The following PTPN1 variants were observed in gnomAD, a reference collection of about 807,000 sequenced individuals.
PTPN1 encodes tyrosine-protein phosphatase non-receptor type 1.
PTPN1 carries 12 observed loss-of-function variants against 59.9 expected under a neutral mutation model. The observed-to-expected ratio is 0.20, with a 90% CI of 0.13 to 0.32. PTPN1 has a LOEUF of 0.32. Ranked by LOEUF, PTPN1 falls within the 10% of genes least tolerant of loss-of-function variation. The probability of loss-of-function intolerance (pLI) is 1.00; values close to 1 mark genes in which losing one functional copy is unlikely to be tolerated. For synonymous variants in PTPN1, 178 were observed against 203.6 expected (o/e 0.87, Z 1.07); for missense variants, 356 against 549.2 (o/e 0.65, Z 3.52).
intron 1 of PTPN1, among the ~76,000 whole-genome samples, chr20:50,556,354 A>AT (rs920355116): frequency 2.0e-5 from 3 of 151,842 alleles, no homozygotes; most frequent in Non-Finnish European, 2.9e-5. Context: ...ACACCCGGCT[A>AT]TTTTTTTAAA....
intron 4 of PTPN1, chr20:50,573,641 A>G (rs1167648641): frequency 1.3e-5 from 2 of 152,264 alleles, no homozygotes; most frequent in Admixed American, 1.3e-4. Context: ...GCTGAAAATC[A>G]TAAGGGCTTT....
At chr20:50,526,716 T>C (rs2082577158) in intron 1 of PTPN1, among the ~76,000 whole-genome samples, 1 of 152,094 alleles carries the variant, frequency 6.6e-6, no homozygotes, top group African/African-American at 2.4e-5. Flanking sequence ...TTTCCAGCTG[T>C]TTCTCTCCTC....
Position 50,527,608 on chromosome 20 carries a change from G to A in PTPN1, c.63+17018G>A, listed in dbSNP as rs578192902. ...CAGGCTAGCCTCAAGTGATCCACCC[G>A]TCAGCCTCCCAAAGTGCTGAGATTA... On this transcript the variant is annotated intron_variant, in intron 1 of 9. Coordinates refer to ENST00000371621, the MANE Select transcript of PTPN1 (RefSeq NM_002827.4). Among the ~76,000 whole-genome samples the A allele has an allele frequency of 3.9e-5, 6 of 152,160 alleles. No individual in the cohort carries two copies. In the East Asian group the frequency reaches 7.7e-4, roughly 20 times the overall value.
Position 50,561,463 on chromosome 20 carries a change from C to T in PTPN1, c.154+10C>T, listed in dbSNP as rs771155682. On this transcript the variant is annotated intron_variant, in intron 2 of 9. Transcript: ENST00000371621. ...AGAGACGTCAGTCCCTGTAAGTATCCACGTGGCCGGTACCAGTCTTGCTCT... is the reference window on the plus strand; with the variant it reads ...AGAGACGTCAGTCCCTGTAAGTATCTACGTGGCCGGTACCAGTCTTGCTCT... The T allele has an allele frequency of 3.2e-6, 5 of 1,578,532 alleles. No individual in the cohort carries two copies. Among genetic ancestry groups the T allele is most frequent in the Middle Eastern group, 1.7e-4 (1 of 5,966 alleles).
At chr20:50,538,608 T>C (rs2082634584) in intron 1 of PTPN1, among the ~76,000 whole-genome samples, 3 of 152,368 alleles carry the variant, frequency 2.0e-5, no homozygotes, top group Admixed American at 2.0e-4. Flanking sequence ...CTTTGTATTA[T>C]ATACACTGGA....
intron 1 of PTPN1, among the ~76,000 whole-genome samples, chr20:50,546,363 C>A (rs1444956865): frequency 6.6e-6 from 1 of 152,172 alleles, no homozygotes; most frequent in Non-Finnish European, 1.5e-5. Context: ...CACAGAGGAG[C>A]TTGGTTGCCT....
At chr20:50,540,106 A>C (rs2082644193) in intron 1 of PTPN1, among the ~76,000 whole-genome samples, 1 of 152,052 alleles carries the variant, frequency 6.6e-6, no homozygotes, top group Admixed American at 6.6e-5. Context: ...CCCAGGCTGG[A>C]GTGCAATGGC....
chr20:50,531,979 A>C (rs2082603315), intron 1 of PTPN1, among the ~76,000 whole-genome samples: 1 of 152,206 alleles, frequency 6.6e-6, no homozygotes. Context: ...GGTTCTCCAC[A>C]TGTGCGCCTT....
chr20:50,552,174 C>A (rs1352977307), intron 1 of PTPN1, among the ~76,000 whole-genome samples: 1 of 152,144 alleles, frequency 6.6e-6, no homozygotes, highest in Non-Finnish European at 1.5e-5. Context: ...TCTTCCAAAC[C>A]ATTAATGTTA....
intron 1 of PTPN1, among the ~76,000 whole-genome samples, chr20:50,523,407 G>A (rs766140791): frequency 1.3e-5 from 2 of 152,180 alleles, no homozygotes; most frequent in African/African-American, 4.8e-5. Flanking sequence ...TTAGCACTCC[G>A]GGATCATATG....
At position 50,568,727 on chromosome 20, in the gene PTPN1, C is replaced by T. The variant is rs6012968; in HGVS notation, c.354+249C>T. On this transcript the variant is annotated intron_variant, in intron 4 of 9. Coordinates refer to ENST00000371621, the MANE Select transcript of PTPN1 (RefSeq NM_002827.4). This position sits in a 1 kb window ranked among gnomAD's most constrained non-coding sequence, Gnocchi z 5.6. ...CGCCCCCGCCTTCTCCTGTGTGGTG[C>T]GTGTGGCGCTCCGCCCACCTGTGCT... Among the ~76,000 whole-genome samples, 563 of 152,300 alleles carry T rather than the reference C, an allele frequency of 3.7e-3. 2 individuals carry two copies. The highest frequency in any genetic ancestry group is 0.013 in the African/African-American group (525 of 41,568).
intron 1 of PTPN1, among the ~76,000 whole-genome samples, chr20:50,554,086 T>C (rs570015231): frequency 6.6e-6 from 1 of 152,258 alleles, no homozygotes; most frequent in East Asian, 1.9e-4. Flanking sequence ...TCAACAAACC[T>C]TCAGCAAAAT....
At chr20:50,536,291 C>T (rs1380031041) in intron 1 of PTPN1, among the ~76,000 whole-genome samples, 2 of 152,154 alleles carry the variant, frequency 1.3e-5, no homozygotes, top group Non-Finnish European at 2.9e-5. Flanking sequence ...TTTATGTTGG[C>T]GCTTACTTCA....
chr20:50,535,514 C>T (rs1377008229), intron 1 of PTPN1, among the ~76,000 whole-genome samples: 2 of 152,114 alleles, frequency 1.3e-5, no homozygotes, highest in African/African-American at 2.4e-5. Context: ...CTGTTGCCTC[C>T]GTGACCACGT....
At chr20:50,564,154 TGG>T (rs1185746032) in intron 2 of PTPN1, among the ~76,000 whole-genome samples, 1 of 152,122 alleles carries the variant, frequency 6.6e-6, no homozygotes, top group Non-Finnish European at 1.5e-5. Context: ...TTCAAACCAC[TGG>T]ATAGAGGTTA....
intron 1 of PTPN1, among the ~76,000 whole-genome samples, chr20:50,534,144 T>C (rs1249053322): frequency 6.6e-6 from 1 of 152,216 alleles, no homozygotes; most frequent in African/African-American, 2.4e-5. Flanking sequence ...CAGTCTGGTT[T>C]CGAACTCCTG....
At chr20:50,538,654 A>G (rs2082634764) in intron 1 of PTPN1, among the ~76,000 whole-genome samples, 1 of 152,218 alleles carries the variant, frequency 6.6e-6, no homozygotes, top group East Asian at 1.9e-4. Context: ...AAATTTTATA[A>G]ATCATTAAAT....
intron 4 of PTPN1, chr20:50,572,719 G>A (rs1285252635): frequency 1.3e-5 from 2 of 152,132 alleles, no homozygotes; most frequent in Non-Finnish European, 2.9e-5. Context: ...TGTTTCTGGG[G>A]TCTTGAGGCA....
Position 50,568,562 on chromosome 20 carries a change from T to C in PTPN1, c.354+84T>C, listed in dbSNP as rs1428758476. The stretch of plus-strand genomic sequence containing the variant: ...CATTTTCGTCCAGATTTTTAAATTA[T>C]TTTTCTTGCCTTTGTATTTCCTTTA... On this transcript the variant is annotated intron_variant, in intron 4 of 9. Transcript: ENST00000371621. This position sits in a 1 kb window ranked among gnomAD's most constrained non-coding sequence, Gnocchi z 5.6. 1 of 1,153,234 alleles carries C rather than the reference T, an allele frequency of 8.7e-7. No individual in the cohort carries two copies. The allele number at this position is 1,153,234 out of a possible 1,614,324, so 71.4% of individuals were successfully genotyped here.
Sources: allele counts gnomAD v4.1 joint callset (sites outside exome capture counted in the v4.1 genomes callset), GRCh38; gene constraint gnomAD v4.1.1; non-coding constraint Gnocchi (gnomAD v3.1); transcripts MANE v1.5; gene names NCBI Gene and HGNC (gene_info 2026-07-23, HGNC 2026-07-21).